Variants in BANP observed in about 807,000 individuals in gnomAD.
The protein encoded by BANP is BTG3 associated nuclear protein, also known as protein BANP.
Under a neutral mutation model 68.1 loss-of-function variants are expected in BANP, and 11 were observed. The observed-to-expected ratio is 0.16, with a 90% CI of 0.10 to 0.27. The LOEUF (loss-of-function observed/expected upper bound fraction) is 0.27, where lower values mean the gene tolerates loss of function less well. Among genes scored for constraint, BANP ranks in the 10% least tolerant of loss-of-function variants. BANP has a pLI of 1.00. For synonymous variants in BANP, 329 were observed against 303.2 expected (o/e 1.09, Z -0.88); for missense variants, 504 against 722.7 (o/e 0.70, Z 3.47).
intron 4 of BANP, among the ~76,000 whole-genome samples, chr16:87,993,372 C>T (rs542442166): frequency 1.3e-5 from 2 of 152,326 alleles, no homozygotes; most frequent in African/African-American, 2.4e-5. Context: ...ACCCGGGAGC[C>T]TTGTCTCTTC....
chr16:87,958,263 C>G (rs1449290806), intron 1 of BANP, among the ~76,000 whole-genome samples: 2 of 152,158 alleles, frequency 1.3e-5, no homozygotes, highest in African/African-American at 4.8e-5. Flanking sequence ...AACTTTGGGT[C>G]TGAACCCACA....
chr16:88,049,905 A>G (rs2082859952), intron 11 of BANP, among the ~76,000 whole-genome samples: 1 of 152,214 alleles, frequency 6.6e-6, no homozygotes, highest in Non-Finnish European at 1.5e-5. Context: ...CTTTACAGAC[A>G]ATTGTTTTCT....
intron 11 of BANP, among the ~76,000 whole-genome samples, chr16:88,045,303 T>A (rs1257766723): frequency 6.6e-6 from 1 of 152,200 alleles, no homozygotes; most frequent in Non-Finnish European, 1.5e-5. Flanking sequence ...GGAAGATGGC[T>A]CGATGTTTGC....
At chr16:87,972,170 C>T (rs1435398764) in intron 1 of BANP, among the ~76,000 whole-genome samples, 1 of 152,036 alleles carries the variant, frequency 6.6e-6, no homozygotes, top group South Asian at 2.1e-4. Flanking sequence ...TTTTCTTGAG[C>T]TTTTTTCATC....
At chr16:88,040,026 G>A (rs1288536642) in intron 11 of BANP, among the ~76,000 whole-genome samples, 8 of 152,106 alleles carry the variant, frequency 5.3e-5, no homozygotes, top group Admixed American at 2.0e-4. Flanking sequence ...ACTCTCATAC[G>A]CTCCTGATTC....
chr16:88,022,176 A>G (rs2076154432), intron 7 of BANP, among the ~76,000 whole-genome samples: 3 of 152,248 alleles, frequency 2.0e-5, no homozygotes, highest in Admixed American at 2.0e-4. Flanking sequence ...GGACAGCAGC[A>G]TTCGCCTGTT....
intron 1 of BANP, among the ~76,000 whole-genome samples, chr16:87,971,622 T>TTGTG: frequency 6.6e-6 from 1 of 151,848 alleles, no homozygotes; most frequent in Non-Finnish European, 1.5e-5. Context: ...TATCTTGGTG[T>TTGTG]TCTGTCTTGG....
rs565301883 is a variant in BANP, at chr16:88,006,213, G to A, written c.603G>A (p.Ala201=). The A allele has an allele frequency of 5.6e-6, 9 of 1,613,298 alleles. No homozygotes were observed. The highest frequency in any genetic ancestry group is 1.7e-4 in the Middle Eastern group (1 of 6,050). The change falls in exon 6 of 14, where the codon GCG becomes GCA. Residue 201 remains alanine (A), a synonymous_variant. Coordinates refer to ENST00000682872, the MANE Select transcript of BANP (RefSeq NM_001386991.1). ...ASDSVSSCGQ[A]GSQSIGSNVT... is the part of the protein sequence containing the mutation. ...ACTCTGTGTCCAGCTGTGGGCAGGC[G>A]GGCAGTCAGAGCATCGGGAGCAACG...
At chr16:88,059,222 A>G (rs1415758025) in intron 11 of BANP, among the ~76,000 whole-genome samples, 1 of 88,404 alleles carries the variant, frequency 1.1e-5, no homozygotes, top group Non-Finnish European at 2.1e-5. Flanking sequence ...ATGCTCCTGG[A>G]GGCTCTGCTG....
chr16:88,025,560 C>G (rs1453401192), intron 7 of BANP, among the ~76,000 whole-genome samples: 1 of 152,220 alleles, frequency 6.6e-6, no homozygotes, highest in Admixed American at 6.5e-5. Context: ...CAAATCCCAC[C>G]GTCCTGACTG....
At chr16:88,008,531 G>A (rs2152570652) in intron 6 of BANP, among the ~76,000 whole-genome samples, 1 of 152,038 alleles carries the variant, frequency 6.6e-6, no homozygotes, top group South Asian at 2.1e-4. Context: ...GTTAGCTAAG[G>A]CAAAAAAACT....
At chr16:87,992,878 C>G (rs775289702) in intron 4 of BANP, among the ~76,000 whole-genome samples, 3 of 152,104 alleles carry the variant, frequency 2.0e-5, no homozygotes, top group Non-Finnish European at 4.4e-5. Context: ...CCCCTAAATT[C>G]TAGAGTGTGT....
At chr16:88,031,984 T>C (rs2078278579) in intron 8 of BANP, among the ~76,000 whole-genome samples, 1 of 152,060 alleles carries the variant, frequency 6.6e-6, no homozygotes, top group South Asian at 2.1e-4. Context: ...TTTGTATTTT[T>C]AGTAGAGACG....
At position 88,062,852 on chromosome 16, in the gene BANP, T is replaced by C. The variant is rs2087247770; in HGVS notation, c.1312-2415T>C. ...CTACCCCTGAAGGCCTGCATCAGAC[T>C]TGGGGTTCTTTTCATCACAGGGCTC... On this transcript the variant is annotated intron_variant, in intron 11 of 13. Transcript: ENST00000682872. 2.6e-5 allele frequency among the ~76,000 whole-genome samples: 4 copies of C among 152,280 alleles called. No homozygotes were observed. The South Asian group carries it at 6.2e-4, about 24-fold the overall frequency.
At chr16:88,058,039 T>C (rs1375830791) in intron 11 of BANP, among the ~76,000 whole-genome samples, 1 of 152,130 alleles carries the variant, frequency 6.6e-6, no homozygotes, top group Non-Finnish European at 1.5e-5. Context: ...GTAATATAAT[T>C]TCCTACCTTT....
intron 12 of BANP, among the ~76,000 whole-genome samples, chr16:88,065,959 C>G (rs2088451291): frequency 6.6e-6 from 1 of 152,198 alleles, no homozygotes; most frequent in Admixed American, 6.5e-5. Context: ...CACTGCCCAG[C>G]TTAGGATTCT....
At chr16:88,029,901 A>T (rs553116543) in intron 8 of BANP, among the ~76,000 whole-genome samples, 1 of 152,352 alleles carries the variant, frequency 6.6e-6, no homozygotes, top group South Asian at 2.1e-4. Context: ...TCCTAAGAGC[A>T]GAGGGTTACA....
At position 88,004,710 on chromosome 16, in the gene BANP, C is replaced by T. The variant is rs1325399268; in HGVS notation, c.479+299C>T. On this transcript the variant is annotated intron_variant, in intron 5 of 13. Transcript: ENST00000682872. The surrounding 1 kb of genome is among the most constrained non-coding windows in gnomAD (Gnocchi z 7.0). Reference sequence around the variant, plus strand: ...CCTCACAGCAGTCTGTGAAAGCGTTCATCCTCCCACCTAGCTCAGTGGTCC... The same window carrying T: ...CCTCACAGCAGTCTGTGAAAGCGTTTATCCTCCCACCTAGCTCAGTGGTCC... Among the ~76,000 whole-genome samples, 2 of 152,242 alleles carry T rather than the reference C, an allele frequency of 1.3e-5. No homozygotes were observed. The highest frequency in any genetic ancestry group is 2.9e-5 in the Non-Finnish European group (2 of 68,048).
At chr16:87,953,300 AG>A (rs1171651540) in intron 1 of BANP, among the ~76,000 whole-genome samples, 5 of 152,214 alleles carry the variant, frequency 3.3e-5, no homozygotes, top group African/African-American at 9.7e-5. Flanking sequence ...CCCACCTCTC[AG>A]CCCCGTTCTT....
Sources: allele counts gnomAD v4.1 joint callset (sites outside exome capture counted in the v4.1 genomes callset), GRCh38; gene constraint gnomAD v4.1.1; non-coding constraint Gnocchi (gnomAD v3.1); transcripts MANE v1.5; gene names NCBI Gene and HGNC (gene_info 2026-07-23, HGNC 2026-07-21).